STAC: variants seen among roughly 807,000 people sequenced by gnomAD.
STAC encodes SH3 and cysteine-rich domain-containing protein.
In STAC, 43 loss-of-function variants were observed where a neutral mutation model predicts 48.8. The ratio of observed to expected loss-of-function variants is 0.88; its 90% CI spans 0.69 to 1.14. STAC has a LOEUF of 1.14. STAC is among the 50% of genes most tolerant of loss of function. The pLI is 0.00. For synonymous variants in STAC, 193 were observed against 179.5 expected, an observed-to-expected ratio of 1.07 and a Z score of -0.60; for missense variants, 497 against 504.0, an observed-to-expected ratio of 0.99 and a Z score of 0.13.
chr3:36,492,288 T>C (rs1031223410), intron 5 of STAC, among the ~76,000 whole-genome samples: 3 of 151,730 alleles, frequency 2.0e-5, no homozygotes, highest in African/African-American at 7.3e-5. Context: ...GTGATAACCA[T>C]GAGACTCTCA....
At chr3:36,510,830 A>G (rs989062171) in intron 8 of STAC, among the ~76,000 whole-genome samples, 3 of 152,108 alleles carry the variant, frequency 2.0e-5, no homozygotes, top group Non-Finnish European at 2.9e-5. Flanking sequence ...TAAGGGAGGT[A>G]TAGCATTAGG....
chr3:36,538,914 T>C (rs1177821890), intron 10 of STAC, among the ~76,000 whole-genome samples: 1 of 152,210 alleles, frequency 6.6e-6, no homozygotes, highest in African/African-American at 2.4e-5. Context: ...CATTTGCCCT[T>C]CACTCTCAAT....
intron 2 of STAC, among the ~76,000 whole-genome samples, chr3:36,478,949 T>A (rs1201272054): frequency 2.0e-5 from 3 of 152,194 alleles, no homozygotes; most frequent in Non-Finnish European, 1.5e-5. Flanking sequence ...TTTTAAGTGC[T>A]ATTTTTTTCC....
chr3:36,457,737 G>T (rs988943782), intron 2 of STAC, among the ~76,000 whole-genome samples: 2 of 152,168 alleles, frequency 1.3e-5, no homozygotes, highest in African/African-American at 4.8e-5. Context: ...GTGAGAAAAT[G>T]ATCATCCAGG....
intron 2 of STAC, among the ~76,000 whole-genome samples, chr3:36,461,365 T>C (rs1450083572): frequency 2.0e-5 from 3 of 152,204 alleles, no homozygotes; most frequent in African/African-American, 7.2e-5. Context: ...CAAATACTTA[T>C]GGAGTATCTC....
intron 8 of STAC, among the ~76,000 whole-genome samples, chr3:36,514,200 CCTT>C (rs1223516030): frequency 2.9e-4 from 35 of 118,756 alleles, no homozygotes; most frequent in Non-Finnish European, 5.2e-4. Flanking sequence ...TCTACACTGG[CCTT>C]CTTTTTTTTT....
intron 3 of STAC, among the ~76,000 whole-genome samples, chr3:36,483,349 C>A (rs569061161): frequency 8.5e-5 from 13 of 152,328 alleles, no homozygotes; most frequent in African/African-American, 2.9e-4. Context: ...TTGGCACTTT[C>A]TCAGTTTTAA....
rs1324694198 is a variant in STAC at position 36,443,601 on chromosome 3, A to G, written c.349A>G (p.Lys117Glu). Reference sequence around the variant, plus strand: ...TGCCTTTCAGGAATACATCTTCAAGAAGCCCACTTTCTGTGATGTCTGCAA... The same window carrying G: ...TGCCTTTCAGGAATACATCTTCAAGGAGCCCACTTTCTGTGATGTCTGCAA... ...AHAFQEYIFK[K>E]PTFCDVCNHM... The change falls in exon 2 of 11, where the codon AAG (lysine) becomes GAG (glutamate). Residue 117 changes from lysine (K) to glutamate (E), a missense_variant. Coordinates refer to ENST00000273183, the MANE Select transcript of STAC (RefSeq NM_003149.3). The surrounding 1 kb of genome is among the most constrained non-coding windows in gnomAD (Gnocchi z 4.2). The G allele has an allele frequency of 6.2e-7, 1 of 1,613,840 alleles. No individual in the cohort carries two copies. Among genetic ancestry groups the G allele is most frequent in the Non-Finnish European group, 8.5e-7 (1 of 1,180,026 alleles).
intron 8 of STAC, among the ~76,000 whole-genome samples, chr3:36,511,974 C>G (rs1193525926): frequency 6.6e-6 from 1 of 152,146 alleles, no homozygotes; most frequent in East Asian, 1.9e-4. Context: ...ATTTATCCTG[C>G]TGGAGTCTCA....
chr3:36,462,213 T>C (rs1697037459), intron 2 of STAC, among the ~76,000 whole-genome samples: 1 of 152,126 alleles, frequency 6.6e-6, no homozygotes, highest in African/African-American at 2.4e-5. Flanking sequence ...AAAATGGAGT[T>C]TCCATCAACT....
chr3:36,518,109 CT>C (rs1190371660), intron 8 of STAC, among the ~76,000 whole-genome samples: 1 of 152,092 alleles, frequency 6.6e-6, no homozygotes, highest in Non-Finnish European at 1.5e-5. Context: ...ACCAAGGCAC[CT>C]TTTTTAAGCT....
chr3:36,527,815 A>C (rs1467728105), intron 8 of STAC, among the ~76,000 whole-genome samples: 1 of 152,200 alleles, frequency 6.6e-6, no homozygotes, highest in Non-Finnish European at 1.5e-5. Context: ...GTAATTCTTG[A>C]TGAATGATGT....
rs1211566051 is a variant in STAC at position 36,547,525 on chromosome 3, C to T, written c.*1236C>T. 6.6e-6 allele frequency: 1 copy of T among 152,640 alleles called. No homozygotes were observed. Among genetic ancestry groups the T allele is most frequent in the Non-Finnish European group, 1.5e-5 (1 of 68,044 alleles). 9.5% of individuals were successfully genotyped at this position (152,640 alleles called of 1,614,324 possible). A position where few individuals can be genotyped will look rare whatever the true frequency, so the allele number is the denominator to read the frequency against. On this transcript the variant is annotated 3_prime_UTR_variant, in exon 11 of 11. Coordinates refer to ENST00000273183, the MANE Select transcript of STAC (RefSeq NM_003149.3). ...CTACTCAAGCCTCCTAGCATTCAAA[C>T]TTCCATCCTATTAGTCATTAACATG...
chr3:36,484,226 T>A (rs185231008), intron 3 of STAC, among the ~76,000 whole-genome samples: 1 of 152,240 alleles, frequency 6.6e-6, no homozygotes, highest in Admixed American at 6.5e-5. Flanking sequence ...CTTCACCCCC[T>A]CCCATCACTG....
At chr3:36,415,858 T>G (rs1298195215) in intron 1 of STAC, among the ~76,000 whole-genome samples, 15 of 152,238 alleles carry the variant, frequency 9.9e-5, no homozygotes, top group Admixed American at 6.5e-5. Flanking sequence ...AAATTCTACA[T>G]GCACTCACCC....
chr3:36,544,655 T>C (rs1215757425), intron 10 of STAC, among the ~76,000 whole-genome samples: 1 of 152,156 alleles, frequency 6.6e-6, no homozygotes, highest in African/African-American at 2.4e-5. Context: ...TACTCTAAGT[T>C]CTGGGATGCG....
At chr3:36,511,620 C>T (rs1406009453) in intron 8 of STAC, among the ~76,000 whole-genome samples, 2 of 152,186 alleles carry the variant, frequency 1.3e-5, no homozygotes, top group Non-Finnish European at 2.9e-5. Flanking sequence ...AAATAGACCA[C>T]ATTTGGAGGT....
At chr3:36,514,064 T>G (rs1698606965) in intron 8 of STAC, among the ~76,000 whole-genome samples, 1 of 152,036 alleles carries the variant, frequency 6.6e-6, no homozygotes, top group African/African-American at 2.4e-5. Context: ...CTGCCCTAAG[T>G]CTGCTCGAAA....
chr3:36,449,867 T>C (rs1387749980), intron 2 of STAC, among the ~76,000 whole-genome samples: 1 of 152,184 alleles, frequency 6.6e-6, no homozygotes, highest in Non-Finnish European at 1.5e-5. Context: ...CAAGAGGAAG[T>C]GAGGAGGCCT....
Sources: allele counts gnomAD v4.1 joint callset (sites outside exome capture counted in the v4.1 genomes callset), GRCh38; gene constraint gnomAD v4.1.1; non-coding constraint Gnocchi (gnomAD v3.1); transcripts MANE v1.5; gene names NCBI Gene and HGNC (gene_info 2026-07-23, HGNC 2026-07-21).